Variants in PLXNA2 observed in about 807,000 individuals in gnomAD.
PLXNA2 encodes the protein plexin-A2.
PLXNA2 carries 91 observed loss-of-function variants against 193.5 expected under a neutral mutation model. That is an observed-to-expected ratio of 0.47 (90% CI 0.40 to 0.56). PLXNA2 has a LOEUF of 0.56. Ranked by LOEUF, PLXNA2 falls within the 20% of genes least tolerant of loss-of-function variation. The pLI, the probability that PLXNA2 is intolerant of heterozygous loss-of-function variation, is 0.00. For missense variants in PLXNA2, 1,995 were observed against 2,503.2 expected (o/e 0.80, Z 4.33); for synonymous variants, 997 against 1,027.3 (o/e 0.97, Z 0.56).
At chr1:208,194,856 C>T (rs11590686) in intron 3 of PLXNA2, among the ~76,000 whole-genome samples, 59,005 of 152,088 alleles carry the variant, frequency 0.39, 11,644 homozygotes, top group Middle Eastern at 0.42. Flanking sequence ...CCAAGGGCAC[C>T]TTTTCTGGAG....
rs1397840634 is a variant in PLXNA2, at chr1:208,082,636, C to G, written c.2299-128G>C. The G allele has an allele frequency of 1.4e-6, 1 of 714,026 alleles. No homozygotes were observed. Among genetic ancestry groups the G allele is most frequent in the South Asian group, 1.6e-5 (1 of 63,356 alleles). The allele number at this position is 714,026 out of a possible 1,614,324, so 44.2% of individuals were successfully genotyped here. On this transcript the variant is annotated intron_variant, in intron 10 of 31. Transcript: ENST00000367033. The surrounding 1 kb of genome is among the most constrained non-coding windows in gnomAD (Gnocchi z 4.2). ...TTTCCCTGAATCCCAGTCACTAATGCCAAGAGAATCCCACCCAAGCCTCCT... is the reference window on the plus strand; with the variant it reads ...TTTCCCTGAATCCCAGTCACTAATGGCAAGAGAATCCCACCCAAGCCTCCT...
At chr1:208,092,141 A>T (rs1488027602) in intron 9 of PLXNA2, among the ~76,000 whole-genome samples, 1 of 152,230 alleles carries the variant, frequency 6.6e-6, no homozygotes, top group East Asian at 1.9e-4. Context: ...GTGAATAACC[A>T]TTGAATGGAA....
chr1:208,030,842 A>T, intron 29 of PLXNA2: 1 of 985,308 alleles, frequency 1.0e-6, no homozygotes, highest in Non-Finnish European at 1.2e-6. Flanking sequence ...GTCCTGTCTG[A>T]CCTGAAAGCC....
chr1:208,188,701 C>T (rs1411158161), intron 3 of PLXNA2, among the ~76,000 whole-genome samples: 3 of 145,008 alleles, frequency 2.1e-5, no homozygotes, highest in Non-Finnish European at 4.5e-5. Flanking sequence ...AAGAATGAAA[C>T]TCTGTCTCAA....
At chr1:208,087,492 A>G (rs1386716099) in intron 9 of PLXNA2, among the ~76,000 whole-genome samples, 1 of 152,046 alleles carries the variant, frequency 6.6e-6, no homozygotes, top group Non-Finnish European at 1.5e-5. Flanking sequence ...GGTAACAATT[A>G]GGGTCTTCCC....
intron 7 of PLXNA2, 143 bp from the exon 8 acceptor site, chr1:208,096,268 C>G (rs1057016257): frequency 1.6e-5 from 11 of 668,362 alleles, no homozygotes; most frequent in Admixed American, 2.5e-5. Flanking sequence ...CCTGAATCGT[C>G]TCTTCTCCTC....
intron 9 of PLXNA2, among the ~76,000 whole-genome samples, chr1:208,086,759 T>C (rs919325129): frequency 9.1e-5 from 13 of 142,240 alleles, no homozygotes; most frequent in African/African-American, 2.4e-4. Flanking sequence ...CTGCAGGCAC[T>C]CTTGACAGAC....
rs1385473361 is a variant in PLXNA2, at chr1:208,022,310, T to C, written c.*4933A>G. 1 of 152,516 alleles carries C rather than the reference T, an allele frequency of 6.6e-6. No homozygotes were observed. Among genetic ancestry groups the C allele is most frequent in the African/African-American group, 2.4e-5 (1 of 41,400 alleles). 9.4% of individuals were successfully genotyped at this position (152,516 alleles called of 1,614,324 possible). ...TTATATATAACAACAGTACAAATTGTGTCCTCAGCTTGCAAAATAGGAGTG... is the reference window on the plus strand; with the variant it reads ...TTATATATAACAACAGTACAAATTGCGTCCTCAGCTTGCAAAATAGGAGTG... On this transcript the variant is annotated 3_prime_UTR_variant, in exon 32 of 32. Transcript: ENST00000367033.
intron 3 of PLXNA2, among the ~76,000 whole-genome samples, chr1:208,179,624 G>A (rs1669773837): frequency 6.6e-6 from 1 of 152,186 alleles, no homozygotes; most frequent in Non-Finnish European, 1.5e-5. Context: ...ACAGGGTGGG[G>A]CAGATGAGGG....
intron 4 of PLXNA2, among the ~76,000 whole-genome samples, chr1:208,109,919 G>A (rs1667408973): frequency 6.6e-6 from 1 of 152,230 alleles, no homozygotes; most frequent in African/African-American, 2.4e-5. Context: ...TTAACTGATG[G>A]AATAAATGGG....
chr1:208,054,154 G>C (rs1665351067), intron 14 of PLXNA2, among the ~76,000 whole-genome samples: 1 of 152,188 alleles, frequency 6.6e-6, no homozygotes, highest in Admixed American at 6.5e-5. Context: ...AGAAAGGCTG[G>C]ATTTTGCCTT....
intron 1 of PLXNA2, among the ~76,000 whole-genome samples, chr1:208,237,383 A>G (rs532454201): frequency 6.6e-6 from 1 of 152,152 alleles, no homozygotes; most frequent in African/African-American, 2.4e-5. Flanking sequence ...ATGAGTAATA[A>G]TATTTCCTGA....
chr1:208,224,693 G>C (rs1033185756), intron 1 of PLXNA2, among the ~76,000 whole-genome samples: 2 of 152,076 alleles, frequency 1.3e-5, no homozygotes, highest in Admixed American at 6.5e-5. Context: ...CCTTGCCCCA[G>C]AGTGAAGAAG....
intron 4 of PLXNA2, among the ~76,000 whole-genome samples, chr1:208,117,410 C>G (rs745783461): frequency 6.6e-6 from 1 of 152,028 alleles, no homozygotes; most frequent in Non-Finnish European, 1.5e-5. Flanking sequence ...AAAAGATGGG[C>G]AAGTACTTCC....
intron 9 of PLXNA2, among the ~76,000 whole-genome samples, chr1:208,088,700 G>T (rs768918432): frequency 2.0e-5 from 3 of 152,250 alleles, no homozygotes; most frequent in Admixed American, 2.0e-4. Context: ...TGGTTTAATT[G>T]AAAGTCAGTT....
chr1:208,070,549 T>C (rs1665945529), intron 12 of PLXNA2, among the ~76,000 whole-genome samples: 1 of 152,238 alleles, frequency 6.6e-6, no homozygotes. Flanking sequence ...GCTCTGCAGA[T>C]TGACAGTTCT....
At chr1:208,170,665 T>A (rs931293821) in intron 3 of PLXNA2, among the ~76,000 whole-genome samples, 1 of 152,234 alleles carries the variant, frequency 6.6e-6, no homozygotes, top group African/African-American at 2.4e-5. Flanking sequence ...ATGACCCCAG[T>A]GTTATTCTGG....
chr1:208,232,932 C>G (rs1671733202), intron 1 of PLXNA2, among the ~76,000 whole-genome samples: 2 of 152,242 alleles, frequency 1.3e-5, no homozygotes, highest in Admixed American at 1.3e-4. Flanking sequence ...AAAGAGGGAA[C>G]TCAAGCTTAG....
intron 1 of PLXNA2, among the ~76,000 whole-genome samples, chr1:208,241,169 T>C (rs958066473): frequency 6.6e-6 from 1 of 152,214 alleles, no homozygotes; most frequent in Non-Finnish European, 1.5e-5. Flanking sequence ...TAAGCAGAAG[T>C]ATTGGTAAAT....
Sources: gnomAD v4.1 joint callset for allele counts (sites outside exome capture counted in the v4.1 genomes callset) on GRCh38, gnomAD v4.1.1 for gene constraint, Gnocchi (gnomAD v3.1) non-coding constraint, MANE v1.5 for transcripts, NCBI Gene and HGNC (gene_info 2026-07-23, HGNC 2026-07-21) for gene names.